Variants in GREM2 observed in about 807,000 individuals in gnomAD.
GREM2 encodes gremlin-2.
GREM2 carries 11 observed loss-of-function variants against 14.2 expected under a neutral mutation model. That is an observed-to-expected ratio of 0.78 (90% CI 0.49 to 1.28). The LOEUF is 1.28. Among genes scored for constraint, GREM2 ranks in the 50% most tolerant of loss-of-function variants. The pLI is 0.00. For synonymous variants in GREM2, 98 were observed against 97.6 expected (o/e 1.00, Z -0.02); for missense variants, 210 against 218.5 (o/e 0.96, Z 0.24).
chr1:240,601,067 G>A (rs75050271), intron 1 of GREM2, among the ~76,000 whole-genome samples: 3,093 of 152,236 alleles, frequency 0.02, 113 homozygotes, highest in African/African-American at 0.072. Context: ...GTAATAAACT[G>A]TTCTTCCAGC....
chr1:240,541,462 T>C (rs2103326057), intron 1 of GREM2, among the ~76,000 whole-genome samples: 1 of 152,380 alleles, frequency 6.6e-6, no homozygotes, highest in East Asian at 1.9e-4. Context: ...ACTTCTCTTC[T>C]GTTAACTACG....
At chr1:240,505,677 ATACTT>A (rs1677660874) in intron 1 of GREM2, among the ~76,000 whole-genome samples, 1 of 152,032 alleles carries the variant, frequency 6.6e-6, no homozygotes, top group Admixed American at 6.6e-5. Flanking sequence ...CAAAATTTAA[ATACTT>A]TAATGTGACC....
chr1:240,520,087 T>TAAAATAAAATA (rs747004047), intron 1 of GREM2, among the ~76,000 whole-genome samples: 1 of 150,702 alleles, frequency 6.6e-6, no homozygotes, highest in Non-Finnish European at 1.5e-5. Flanking sequence ...TCCCAAAAAA[T>TAAAATAAAATA]AAAATAAAAT....
chr1:240,519,010 T>C (rs1287486198), intron 1 of GREM2, among the ~76,000 whole-genome samples: 10 of 152,194 alleles, frequency 6.6e-5, no homozygotes, highest in Non-Finnish European at 1.3e-4. Flanking sequence ...AACTGATTCA[T>C]TACACACACA....
At position 240,610,258 on chromosome 1, in the gene GREM2, C is replaced by T. The variant is rs114885082; in HGVS notation, c.-2+1626G>A. On this transcript the variant is annotated intron_variant, in intron 1 of 1. Coordinates refer to ENST00000318160, the MANE Select transcript of GREM2 (RefSeq NM_022469.4). ...GTCGATTAACTTATATTTATTTGCACAGATCAGTTCTTTACAGTTTCTTTC... is the reference window on the plus strand; with the variant it reads ...GTCGATTAACTTATATTTATTTGCATAGATCAGTTCTTTACAGTTTCTTTC... 5.5e-3 allele frequency among the ~76,000 whole-genome samples: 837 copies of T among 152,148 alleles called. 4 individuals are homozygous for T. Among genetic ancestry groups the T allele is most frequent in the Non-Finnish European group, 8.9e-3 (604 of 68,008 alleles).
intron 1 of GREM2, among the ~76,000 whole-genome samples, chr1:240,583,911 A>G (rs543722420): frequency 4.6e-4 from 70 of 151,974 alleles, no homozygotes; most frequent in African/African-American, 1.7e-3. Context: ...CTTCATCTCT[A>G]TTTTATTCTG....
At chr1:240,589,897 G>A (rs1679673180) in intron 1 of GREM2, among the ~76,000 whole-genome samples, 1 of 152,180 alleles carries the variant, frequency 6.6e-6, no homozygotes, top group Admixed American at 6.5e-5. Flanking sequence ...CTGGACGGAT[G>A]GGTAGAATTT....
At chr1:240,556,017 G>A (rs900200419) in intron 1 of GREM2, among the ~76,000 whole-genome samples, 1 of 152,096 alleles carries the variant, frequency 6.6e-6, no homozygotes, top group Non-Finnish European at 1.5e-5. Context: ...GTTTCTAGTA[G>A]AGCATATCCT....
chr1:240,532,336 G>A (rs7547238), intron 1 of GREM2, among the ~76,000 whole-genome samples: 23 of 151,822 alleles, frequency 1.5e-4, no homozygotes, highest in African/African-American at 5.3e-4. Flanking sequence ...CACCTGCCTC[G>A]GCCTCCCAAA....
chr1:240,491,994 G>C lies in GREM2; in HGVS notation c.*975C>G. 1 of 203,770 alleles carries C rather than the reference G, an allele frequency of 4.9e-6. No individual in the cohort carries two copies. Among genetic ancestry groups the C allele is most frequent in the Non-Finnish European group, 1.1e-5 (1 of 94,790 alleles). 12.6% of individuals were successfully genotyped at this position (203,770 alleles called of 1,614,324 possible). On this transcript the variant is annotated 3_prime_UTR_variant, in exon 2 of 2. Coordinates refer to ENST00000318160, the MANE Select transcript of GREM2 (RefSeq NM_022469.4). ...CCAATCTAAAAATAGGTGCATGACA[G>C]TGAATTGCTGACCAGGCATTTTTTT... is the stretch of plus-strand genomic sequence containing the variant.
chr1:240,591,909 T>C (rs1217465169), intron 1 of GREM2, among the ~76,000 whole-genome samples: 3 of 152,204 alleles, frequency 2.0e-5, no homozygotes, highest in Non-Finnish European at 2.9e-5. Context: ...TTAATTCTAC[T>C]GTAGGATGAA....
At chr1:240,499,194 A>G (rs1677508276) in intron 1 of GREM2, among the ~76,000 whole-genome samples, 1 of 152,206 alleles carries the variant, frequency 6.6e-6, no homozygotes, top group Non-Finnish European at 1.5e-5. Flanking sequence ...AGTAGTGCTG[A>G]GTCATCCTTC....
rs530268023 is a variant in GREM2 at position 240,521,802 on chromosome 1, G to A, written c.-1-28326C>T. ...CACATATGTGATGTATTTTTTTTCT[G>A]TGTTTTTAAAATATAATTTTAAATG... On this transcript the variant is annotated intron_variant, in intron 1 of 1. Transcript: ENST00000318160. Among the ~76,000 whole-genome samples, 6 of 151,802 alleles carry A rather than the reference G, an allele frequency of 4.0e-5. No individual in the cohort carries two copies. In the Middle Eastern group the frequency reaches 0.014, roughly 344 times the overall value.
chr1:240,554,570 T>C (rs1229376297), intron 1 of GREM2, among the ~76,000 whole-genome samples: 4 of 152,148 alleles, frequency 2.6e-5, no homozygotes. Context: ...TGTTTTTTCA[T>C]AAGTAGGTGT....
At chr1:240,563,146 TG>T (rs1679103526) in intron 1 of GREM2, among the ~76,000 whole-genome samples, 1 of 144,286 alleles carries the variant, frequency 6.9e-6, no homozygotes, top group African/African-American at 2.9e-5. Flanking sequence ...TGTGTGTGTG[TG>T]AGTGTGTATG....
intron 1 of GREM2, among the ~76,000 whole-genome samples, chr1:240,607,096 A>G (rs1680041213): frequency 1.3e-5 from 2 of 152,220 alleles, no homozygotes; most frequent in South Asian, 2.1e-4. Context: ...TGTAAGGATT[A>G]GATGATACCT....
chr1:240,605,448 G>A (rs1680005397), intron 1 of GREM2, among the ~76,000 whole-genome samples: 1 of 152,042 alleles, frequency 6.6e-6, no homozygotes, highest in South Asian at 2.1e-4. Context: ...CTGCACCACT[G>A]CACTCCAGCC....
At chr1:240,496,522 G>A (rs759962206) in intron 1 of GREM2, among the ~76,000 whole-genome samples, 11 of 152,144 alleles carry the variant, frequency 7.2e-5, no homozygotes, top group East Asian at 1.9e-4. Flanking sequence ...GGACGTCACC[G>A]TCTCCTCCTT....
At chr1:240,520,611 C>T (rs1391881077) in intron 1 of GREM2, among the ~76,000 whole-genome samples, 3 of 151,966 alleles carry the variant, frequency 2.0e-5, no homozygotes, top group East Asian at 1.9e-4. Flanking sequence ...GGTACAATCT[C>T]GGCTCACTAC....
Sources: gnomAD v4.1 joint callset for allele counts (sites outside exome capture counted in the v4.1 genomes callset) on GRCh38, gnomAD v4.1.1 for gene constraint, MANE v1.5 for transcripts, NCBI Gene and HGNC (gene_info 2026-07-23, HGNC 2026-07-21) for gene names.